SHISA9: variants seen among roughly 807,000 people sequenced by gnomAD.
The protein encoded by SHISA9 is protein shisa-9.
SHISA9 carries 13 observed loss-of-function variants against 38.0 expected under a neutral mutation model. The observed-to-expected ratio is 0.34, with a 90% CI of 0.22 to 0.54. The LOEUF is 0.54. Among genes scored for constraint, SHISA9 ranks in the 20% least tolerant of loss-of-function variants. The pLI, the probability that SHISA9 is intolerant of heterozygous loss-of-function variation, is 0.91. For synonymous variants in SHISA9, 275 were observed against 242.0 expected (o/e 1.14, Z -1.27); for missense variants, 538 against 575.8 (o/e 0.93, Z 0.67).
rs2072751998 is a variant in SHISA9 at position 13,015,986 on chromosome 16, C to CTTCCCTTCCCTTCTT, written c.691+99174_691+99175insCCTTCCCTTCTTTTC. On this transcript the variant is annotated intron_variant, in intron 2 of 4. Transcript: ENST00000558583. ...CTTCCCTTCCCTTCCCTTCCCTTCCCTTCTTTTCTTTTCTTCCTTGAGACA... is the reference window on the plus strand; with the variant it reads ...CTTCCCTTCCCTTCCCTTCCCTTCCCTTCCCTTCCCTTCTTTTCTTTTCTTTTCTTCCTTGAGACA... Among the ~76,000 whole-genome samples the CTTCCCTTCCCTTCTT allele has an allele frequency of 8.6e-5, 3 of 35,060 alleles. 1 individual carries two copies. The highest frequency in any genetic ancestry group is 3.2e-4 in the African/African-American group (3 of 9,450). The allele number at this position is 35,060 out of a possible 152,430, so 23.0% of individuals were successfully genotyped here. A position where few individuals can be genotyped will look rare whatever the true frequency, so the allele number is the denominator to read the frequency against.
the SHISA9 span, among the ~76,000 whole-genome samples, chr16:13,551,410 T>G: frequency 1.3e-5 from 2 of 152,198 alleles, no homozygotes; most frequent in African/African-American, 4.8e-5. Context: ...TTTGTGTTTG[T>G]AAGTACATGA....
At chr16:13,014,695 TGAGCC>T (rs1343870390) in intron 2 of SHISA9, among the ~76,000 whole-genome samples, 3 of 152,238 alleles carry the variant, frequency 2.0e-5, no homozygotes, top group Non-Finnish European at 2.9e-5. Context: ...GGAGGAATTC[TGAGCC>T]GGGGGTGGAA....
intron 3 of SHISA9, among the ~76,000 whole-genome samples, chr16:13,208,336 A>G (rs995389906): frequency 1.3e-5 from 2 of 152,058 alleles, no homozygotes; most frequent in African/African-American, 2.4e-5. Context: ...ATTCTCCCCA[A>G]ACCTGCCTTC....
At chr16:12,903,606 C>T (rs1034418056) in intron 1 of SHISA9, among the ~76,000 whole-genome samples, 1 of 152,176 alleles carries the variant, frequency 6.6e-6, no homozygotes, top group Admixed American at 6.5e-5. Flanking sequence ...ACTAAGCCCC[C>T]GGCCGCGGGA....
At chr16:13,038,274 GC>G (rs2073097133) in intron 2 of SHISA9, among the ~76,000 whole-genome samples, 1 of 152,224 alleles carries the variant, frequency 6.6e-6, no homozygotes, top group Non-Finnish European at 1.5e-5. Flanking sequence ...ACAGGCGTGG[GC>G]CACCATGCCC....
chr16:13,096,891 C>T (rs1007993056), intron 2 of SHISA9, among the ~76,000 whole-genome samples: 11 of 152,040 alleles, frequency 7.2e-5, no homozygotes, highest in African/African-American at 2.7e-4. Context: ...CCTGCTCAGA[C>T]AGGCCATTCT....
At chr16:13,275,544 A>G in the SHISA9 span, among the ~76,000 whole-genome samples, 1 of 151,956 alleles carries the variant, frequency 6.6e-6, no homozygotes, top group Admixed American at 6.6e-5. Flanking sequence ...TTTGGTGTGT[A>G]ATTTTGATTT....
chr16:13,387,552 C>T, the SHISA9 span, among the ~76,000 whole-genome samples: 1 of 151,732 alleles, frequency 6.6e-6, no homozygotes, highest in Non-Finnish European at 1.5e-5. Context: ...AGCAGTGGTG[C>T]CATCTCAGCT....
chr16:13,304,354 G>T, the SHISA9 span, among the ~76,000 whole-genome samples: 1 of 152,192 alleles, frequency 6.6e-6, no homozygotes, highest in Non-Finnish European at 1.5e-5. Flanking sequence ...AATCTCCCCA[G>T]GCTCAGGTGA....
At chr16:12,982,115 A>C (rs777324930) in intron 2 of SHISA9, among the ~76,000 whole-genome samples, 1 of 152,238 alleles carries the variant, frequency 6.6e-6, no homozygotes, top group Non-Finnish European at 1.5e-5. Context: ...ACACTGAGGT[A>C]CAGAGAGGTT....
At chr16:13,541,660 C>G in the SHISA9 span, among the ~76,000 whole-genome samples, 10 of 152,310 alleles carry the variant, frequency 6.6e-5, no homozygotes, top group Non-Finnish European at 1.3e-4. Context: ...TATGAACACA[C>G]TCAGGGGTGG....
At chr16:13,339,417 G>C in the SHISA9 span, among the ~76,000 whole-genome samples, 3 of 152,096 alleles carry the variant, frequency 2.0e-5, no homozygotes, top group Non-Finnish European at 4.4e-5. Context: ...TTTGAATCAG[G>C]ATTTCTTCAG....
rs181187117 is a variant in SHISA9, at chr16:12,962,239, T to C, written c.691+45424T>C. ...GGAGGCAGGAAGGGGAAACTGAGAC[T>C]CAGAGTGGTTCAAGGACTTGCACAC... On this transcript the variant is annotated intron_variant, in intron 2 of 4. Coordinates refer to ENST00000558583, the MANE Select transcript of SHISA9 (RefSeq NM_001145204.3). 5.3e-5 allele frequency among the ~76,000 whole-genome samples: 8 copies of C among 152,344 alleles called. No homozygotes were observed. The East Asian group carries it at 9.6e-4, about 18-fold the overall frequency.
intron 2 of SHISA9, among the ~76,000 whole-genome samples, chr16:12,950,499 GA>G: frequency 6.6e-6 from 1 of 152,164 alleles, no homozygotes. Flanking sequence ...AGGATGTGGA[GA>G]AAAAGGAACT....
chr16:13,097,121 C>G (rs2073835732), intron 2 of SHISA9, among the ~76,000 whole-genome samples: 1 of 152,160 alleles, frequency 6.6e-6, no homozygotes, highest in Non-Finnish European at 1.5e-5. Flanking sequence ...TGTTGAATGA[C>G]TGTTGAGTAA....
intron 3 of SHISA9, among the ~76,000 whole-genome samples, chr16:13,206,853 A>G (rs560984065): frequency 2.0e-5 from 3 of 152,324 alleles, no homozygotes; most frequent in East Asian, 3.9e-4. Flanking sequence ...ACTGCATTCA[A>G]ATATACTCAG....
chr16:13,258,037 G>A, the SHISA9 span, among the ~76,000 whole-genome samples: 1 of 152,146 alleles, frequency 6.6e-6, no homozygotes, highest in South Asian at 2.1e-4. Flanking sequence ...TTAATTTCAA[G>A]TGGCTGAAAT....
At chr16:13,011,949 C>T (rs2072681994) in intron 2 of SHISA9, among the ~76,000 whole-genome samples, 1 of 152,144 alleles carries the variant, frequency 6.6e-6, no homozygotes, top group South Asian at 2.1e-4. Flanking sequence ...CCTCAGCCTC[C>T]CGAGTAGCTG....
At chr16:13,207,193 C>T (rs553388274) in intron 3 of SHISA9, among the ~76,000 whole-genome samples, 14 of 152,108 alleles carry the variant, frequency 9.2e-5, no homozygotes, top group South Asian at 4.2e-4. Context: ...GAACCTGGGA[C>T]GCGGAGGTTG....
Sources: gnomAD v4.1 joint callset for allele counts (sites outside exome capture counted in the v4.1 genomes callset) on GRCh38, gnomAD v4.1.1 for gene constraint, MANE v1.5 for transcripts, NCBI Gene and HGNC (gene_info 2026-07-23, HGNC 2026-07-21) for gene names.